Variants in MS4A14 observed in about 807,000 individuals in gnomAD.
MS4A14 encodes membrane spanning 4-domains A14.
In MS4A14, 18 loss-of-function variants were observed where a neutral mutation model predicts 16.7. That is an observed-to-expected ratio of 1.08 (90% CI 0.75 to 1.60). The LOEUF is 1.60. Among genes scored for constraint, MS4A14 ranks in the 40% most tolerant of loss-of-function variants. The pLI, the probability that MS4A14 is intolerant of heterozygous loss-of-function variation, is 0.00. For synonymous variants in MS4A14, 305 were observed against 289.4 expected (o/e 1.05, Z -0.55); for missense variants, 812 against 775.3 (o/e 1.05, Z -0.56).
Position 60,403,044 on chromosome 11 carries a change from A to T in MS4A14, c.451A>T (p.Ser151Cys). 1 of 1,613,742 alleles carries T rather than the reference A, an allele frequency of 6.2e-7. No individual in the cohort carries two copies. The change falls in exon 4 of 5, where the codon AGT (serine) becomes TGT (cysteine). Residue 151 changes from serine to cysteine, a missense_variant. Transcript: ENST00000300187. The stretch of plus-strand genomic sequence containing the variant: ...ATCCTTTGAAGAAATATGTGTTTTC[A>T]GTAGAACTCTTTTCATTGTAAGTGG... ...MPSFEEICVFSRTLFIVLFFL... is the reference protein window; with the variant it reads ...MPSFEEICVFCRTLFIVLFFL...
Position 60,415,962 on chromosome 11 carries a change from G to A in MS4A14, c.994G>A (p.Glu332Lys), listed in dbSNP as rs1262087143. The A allele has an allele frequency of 6.2e-7, 1 of 1,613,768 alleles. No individual in the cohort carries two copies. The highest frequency in any genetic ancestry group is 1.3e-5 in the African/African-American group (1 of 74,868). Reference protein sequence around the residue: ...SQALPVEGLSEQTMPSKSTSS... With the variant: ...SQALPVEGLSKQTMPSKSTSS... ...AGCTCTACCAGTAGAAGGCCTGTCA[G>A]AACAAACCATGCCATCTAAGTCTAC... The change falls in exon 5 of 5, where the codon GAA (glutamate) becomes AAA (lysine). Residue 332 changes from glutamate to lysine, a missense_variant. Physicochemically the swap from Glu to Lys is moderately conservative, Grantham distance 56. Transcript: ENST00000300187.
At chr11:60,399,628 T>C (rs1180332647) in intron 2 of MS4A14, among the ~76,000 whole-genome samples, 1 of 152,122 alleles carries the variant, frequency 6.6e-6, no homozygotes, top group Non-Finnish European at 1.5e-5. Flanking sequence ...GAGAATCCAA[T>C]GAGAGGAGGC....
rs761374359 is a variant in MS4A14, at chr11:60,416,736, C to G, written c.1768C>G (p.Gln590Glu). The change falls in exon 5 of 5, where the codon CAG (glutamine) becomes GAG (glutamate). Residue 590 changes from glutamine to glutamate, a missense_variant. Physicochemically the swap from Gln to Glu is conservative, Grantham distance 29. Transcript: ENST00000300187. ...QSKDGQVKDQ[Q>E]TDKEQNSKKQ... ...TAAAGATGGACAAGTTAAAGACCAG[C>G]AGACTGATAAGGAGCAAAACTCAAA... 5.0e-6 allele frequency: 8 copies of G among 1,613,658 alleles called. No homozygotes were observed. The highest frequency in any genetic ancestry group is 6.8e-6 in the Non-Finnish European group (8 of 1,179,838).
rs568888688 is a variant in MS4A14 at position 60,412,237 on chromosome 11, G to T, written c.469-3200G>T. ...TATCTGTTTTTGGTATCAAGGTAAT[G>T]GTGGCCTCATAGAATGAGTTAGGCA... is the stretch of plus-strand genomic sequence containing the variant. On this transcript the variant is annotated intron_variant, in intron 4 of 4. Transcript: ENST00000300187. Among the ~76,000 whole-genome samples the T allele has an allele frequency of 3.2e-4, 49 of 151,358 alleles. No homozygotes were observed. The Middle Eastern group carries it at 0.01, about 32-fold the overall frequency.
At chr11:60,398,964 T>C (rs2085670422) in intron 2 of MS4A14, among the ~76,000 whole-genome samples, 1 of 152,212 alleles carries the variant, frequency 6.6e-6, no homozygotes, top group South Asian at 2.1e-4. Context: ...GTACTCTGCA[T>C]GTGTGAATTA....
chr11:60,403,364 G>T (rs191532834), intron 4 of MS4A14, among the ~76,000 whole-genome samples: 1 of 152,238 alleles, frequency 6.6e-6, no homozygotes, highest in Non-Finnish European at 1.5e-5. Context: ...TGTGAGGATT[G>T]CTTAAATTAA....
chr11:60,409,459 T>A (rs1473938866), intron 4 of MS4A14, among the ~76,000 whole-genome samples: 1 of 151,844 alleles, frequency 6.6e-6, no homozygotes, highest in Non-Finnish European at 1.5e-5. Context: ...TAATATAATG[T>A]CCTCCAGGTT....
chr11:60,412,743 C>A (rs1025592542), intron 4 of MS4A14, among the ~76,000 whole-genome samples: 4 of 151,924 alleles, frequency 2.6e-5, no homozygotes, highest in Non-Finnish European at 5.9e-5. Flanking sequence ...TTCTGCCCCA[C>A]TAAAATTATG....
intron 3 of MS4A14, among the ~76,000 whole-genome samples, chr11:60,402,137 A>G (rs1376702621): frequency 1.3e-5 from 2 of 152,114 alleles, no homozygotes; most frequent in African/African-American, 4.8e-5. Flanking sequence ...CCTTCCTGTA[A>G]AGGAACTCGG....
chr11:60,402,525 C>G (rs1414249534), intron 3 of MS4A14, among the ~76,000 whole-genome samples: 2 of 152,074 alleles, frequency 1.3e-5, no homozygotes, highest in African/African-American at 4.8e-5. Flanking sequence ...AATTGAGATT[C>G]CAGGAGATTA....
chr11:60,403,589 C>T (rs1429516141), intron 4 of MS4A14, among the ~76,000 whole-genome samples: 3 of 152,220 alleles, frequency 2.0e-5, no homozygotes, highest in Non-Finnish European at 2.9e-5. Context: ...CATTATTTCA[C>T]ATAATTGTGG....
At chr11:60,408,437 CTGT>C (rs1245908216) in intron 4 of MS4A14, among the ~76,000 whole-genome samples, 1 of 152,204 alleles carries the variant, frequency 6.6e-6, no homozygotes, top group African/African-American at 2.4e-5. Flanking sequence ...AACACAAACT[CTGT>C]ACCACAAAAC....
intron 4 of MS4A14, among the ~76,000 whole-genome samples, chr11:60,405,369 G>A (rs533589218): frequency 3.2e-4 from 49 of 152,260 alleles, no homozygotes; most frequent in Non-Finnish European, 6.2e-4. Flanking sequence ...GTGAGCCACC[G>A]CGCCCGGCCA....
chr11:60,404,524 T>C (rs1367246434), intron 4 of MS4A14: 4 of 456,870 alleles, frequency 8.8e-6, no homozygotes, highest in African/African-American at 2.0e-5. Flanking sequence ...CTATCCTACC[T>C]ATCTTTCCAA....
chr11:60,403,991 A>G (rs544996920), intron 4 of MS4A14, among the ~76,000 whole-genome samples: 1 of 152,280 alleles, frequency 6.6e-6, no homozygotes, highest in African/African-American at 2.4e-5. Flanking sequence ...CTAAAATTAG[A>G]CTCATGATAG....
At position 60,402,911 on chromosome 11, in the gene MS4A14, G is replaced by T. The variant is rs1395277063; in HGVS notation, c.319-1G>T. On this transcript the variant is annotated splice_acceptor_variant, in intron 3 of 4. Coordinates refer to ENST00000300187, the MANE Select transcript of MS4A14 (RefSeq NM_032597.5). LOFTEE classifies it high-confidence loss of function. The stretch of plus-strand genomic sequence containing the variant: ...TTTATCATTTTTAAACTATCTTTCA[G>T]GGTCAAGGTGTCACGGGCATGAATG... 1 of 1,612,036 alleles carries T rather than the reference G, an allele frequency of 6.2e-7. No individual in the cohort carries two copies. Among genetic ancestry groups the T allele is most frequent in the African/African-American group, 1.3e-5 (1 of 74,798 alleles).
chr11:60,402,877 C>T (rs1303242829), intron 3 of MS4A14, 35 bp from the exon 4 acceptor site: 3 of 1,595,058 alleles, frequency 1.9e-6, no homozygotes, highest in African/African-American at 2.7e-5. Flanking sequence ...TGGTTTCGAT[C>T]TTATTTATTT....
In MS4A14 at chr11:60,416,259, C is replaced by A. The variant is rs543482044; in HGVS notation, c.1291C>A (p.Gln431Lys). ...TSHIVQFPEI[Q>K]HLLQQPPDLQ... ...CCATATTGTGCAGTTCCCTGAAATACAACACCTACTTCAGCAGCCCCCAGA... is the reference window on the plus strand; with the variant it reads ...CCATATTGTGCAGTTCCCTGAAATAAAACACCTACTTCAGCAGCCCCCAGA... The change falls in exon 5 of 5, where the codon CAA (glutamine) becomes AAA (lysine). Residue 431 changes from glutamine to lysine, a missense_variant. Transcript: ENST00000300187. The A allele has an allele frequency of 4.1e-5, 66 of 1,614,008 alleles. No individual in the cohort carries two copies. In the South Asian group the frequency reaches 6.9e-4, roughly 17 times the overall value.
chr11:60,414,957 G>T (rs2085916974), intron 4 of MS4A14, among the ~76,000 whole-genome samples: 1 of 151,902 alleles, frequency 6.6e-6, no homozygotes, highest in South Asian at 2.1e-4. Flanking sequence ...AAAGCACTAA[G>T]TACCTATTTA....
Sources: allele counts gnomAD v4.1 joint callset (sites outside exome capture counted in the v4.1 genomes callset), GRCh38; gene constraint gnomAD v4.1.1; transcripts MANE v1.5; gene names NCBI Gene and HGNC (gene_info 2026-07-23, HGNC 2026-07-21).